Variants in SCML4 observed in about 807,000 individuals in gnomAD.
SCML4 encodes sex comb on midleg-like protein 4.
SCML4 carries 34 observed loss-of-function variants against 41.1 expected under a neutral mutation model. That is an observed-to-expected ratio of 0.83 (90% CI 0.63 to 1.10). The LOEUF (loss-of-function observed/expected upper bound fraction) is 1.10, where lower values mean the gene tolerates loss of function less well. SCML4 is among the 50% of genes least tolerant of loss of function. SCML4 has a pLI of 0.00. For synonymous variants in SCML4, 214 were observed against 220.9 expected (o/e 0.97, Z 0.28); for missense variants, 522 against 534.1 (o/e 0.98, Z 0.22).
intron 5 of SCML4, among the ~76,000 whole-genome samples, chr6:107,730,660 A>T (rs1776446080): frequency 6.6e-6 from 1 of 152,222 alleles, no homozygotes. Context: ...TGGCCCCATC[A>T]AAGAAATCTG....
At chr6:107,716,255 A>G (rs1774778357) in intron 6 of SCML4, among the ~76,000 whole-genome samples, 1 of 152,140 alleles carries the variant, frequency 6.6e-6, no homozygotes, top group Non-Finnish European at 1.5e-5. Context: ...CTCTTGTTCC[A>G]TCTTCTCCAT....
intron 1 of SCML4, among the ~76,000 whole-genome samples, chr6:107,807,061 CTT>C (rs201486996): frequency 0.89 from 119,017 of 133,576 alleles, 53,466 homozygotes; most frequent in South Asian, 0.98. Flanking sequence ...TGTTCCTAAG[CTT>C]TTTTTTTTTT....
At chr6:107,714,785 GTTC>G (rs1238536431) in intron 6 of SCML4, among the ~76,000 whole-genome samples, 4 of 152,102 alleles carry the variant, frequency 2.6e-5, no homozygotes, top group East Asian at 1.9e-4. Context: ...GGTAGTTGCT[GTTC>G]TTCTTATTAT....
intron 6 of SCML4, among the ~76,000 whole-genome samples, chr6:107,708,537 C>T (rs532137101): frequency 6.4e-4 from 98 of 152,198 alleles, no homozygotes; most frequent in African/African-American, 2.2e-3. Context: ...TTCTTCTCCA[C>T]GGTATCTGCA....
intron 7 of SCML4, 105 bp from the exon 8 acceptor site, chr6:107,705,430 G>T: frequency 9.8e-7 from 1 of 1,023,666 alleles, no homozygotes; most frequent in Non-Finnish European, 1.4e-6. Flanking sequence ...AGGGCATATG[G>T]ATTGATTTAG....
At chr6:107,794,144 G>A (rs892844047) in intron 1 of SCML4, among the ~76,000 whole-genome samples, 3 of 152,200 alleles carry the variant, frequency 2.0e-5, no homozygotes, top group Non-Finnish European at 4.4e-5. Context: ...CAATTAAGAT[G>A]AAACCAAAAG....
At chr6:107,738,180 C>T (rs1194884574) in intron 5 of SCML4, among the ~76,000 whole-genome samples, 1 of 152,206 alleles carries the variant, frequency 6.6e-6, no homozygotes. Context: ...TCTCCTAAAA[C>T]ACCCAGGGAG....
intron 1 of SCML4, among the ~76,000 whole-genome samples, chr6:107,806,613 C>T (rs567432065): frequency 2.0e-5 from 3 of 152,312 alleles, no homozygotes; most frequent in South Asian, 4.1e-4. Context: ...CCTCCAAAGC[C>T]GGCACTGGAC....
At position 107,772,270 on chromosome 6, in the gene SCML4, G is replaced by A. The variant is rs1158439436; in HGVS notation, c.58C>T (p.Pro20Ser). ...KRGRPSLHST[P>S]MKMAVHNLYS... is the part of the protein sequence containing the mutation. The stretch of plus-strand genomic sequence containing the variant: ...AGGTTATGAACTGCCATCTTCATAG[G>A]CGTGGAGTGAAGTGAGGGTCGGCCT... The change falls in exon 2 of 8, where the codon CCT (proline) becomes TCT (serine). Residue 20 changes from proline to serine, a missense_variant. Physicochemically the swap from Pro to Ser is moderately conservative, Grantham distance 74 (BLOSUM62 -1). Transcript: ENST00000369020. 2 of 1,551,728 alleles carry A rather than the reference G, an allele frequency of 1.3e-6. No homozygotes were observed. Among genetic ancestry groups the A allele is most frequent in the Non-Finnish European group, 1.7e-6 (2 of 1,146,970 alleles).
chr6:107,784,604 G>T (rs994110772), intron 1 of SCML4, among the ~76,000 whole-genome samples: 7 of 152,226 alleles, frequency 4.6e-5, no homozygotes, highest in African/African-American at 1.7e-4. Context: ...GAGAGGAACG[G>T]TTTTTTTCTC....
At chr6:107,820,075 C>A (rs1784836034) in intron 1 of SCML4, among the ~76,000 whole-genome samples, 2 of 152,228 alleles carry the variant, frequency 1.3e-5, no homozygotes, top group African/African-American at 4.8e-5. Flanking sequence ...TTGCAGCTTG[C>A]TGCTGGTCTC....
chr6:107,823,796 C>A (rs1423433049), intron 1 of SCML4, among the ~76,000 whole-genome samples: 1 of 152,028 alleles, frequency 6.6e-6, no homozygotes, highest in Non-Finnish European at 1.5e-5. Context: ...TACTTGAGTT[C>A]ACATTTGGAA....
intron 5 of SCML4, among the ~76,000 whole-genome samples, chr6:107,726,174 T>C (rs901798264): frequency 1.3e-5 from 2 of 151,568 alleles, no homozygotes; most frequent in South Asian, 4.2e-4. Flanking sequence ...CAGGGACTTG[T>C]ATATCTTGTA....
At chr6:107,836,968 C>G in the SCML4 span, among the ~76,000 whole-genome samples, 1 of 152,232 alleles carries the variant, frequency 6.6e-6, no homozygotes, top group Non-Finnish European at 1.5e-5. Context: ...TAGAGTACTA[C>G]ATTTCTCAAA....
intron 5 of SCML4, among the ~76,000 whole-genome samples, chr6:107,741,031 G>A (rs12208434): frequency 6.3e-4 from 96 of 152,282 alleles, no homozygotes; most frequent in Non-Finnish European, 1.2e-3. Context: ...CTGGCCTGAA[G>A]CAAGCCTGAG....
intron 2 of SCML4, among the ~76,000 whole-genome samples, chr6:107,757,431 GGA>G (rs1459452502): frequency 2.0e-5 from 3 of 152,206 alleles, no homozygotes. Flanking sequence ...ATCTGAGGAT[GGA>G]GAGTGTGGCT....
At chr6:107,815,831 T>C (rs1037838192) in intron 1 of SCML4, among the ~76,000 whole-genome samples, 1 of 152,236 alleles carries the variant, frequency 6.6e-6, no homozygotes, top group Non-Finnish European at 1.5e-5. Flanking sequence ...TGCTTGAATA[T>C]ATTTGCAATA....
chr6:107,785,761 G>A (rs929871580), intron 1 of SCML4, among the ~76,000 whole-genome samples: 1 of 152,216 alleles, frequency 6.6e-6, no homozygotes, highest in African/African-American at 2.4e-5. Context: ...TATGGCAGGA[G>A]GACAGTTCTG....
intron 1 of SCML4, among the ~76,000 whole-genome samples, chr6:107,788,111 G>C (rs1782038539): frequency 6.6e-6 from 1 of 152,236 alleles, no homozygotes; most frequent in South Asian, 2.1e-4. Flanking sequence ...AAAGGCAAGA[G>C]CAAGTGCACA....
Sources: allele counts gnomAD v4.1 joint callset (sites outside exome capture counted in the v4.1 genomes callset), GRCh38; gene constraint gnomAD v4.1.1; transcripts MANE v1.5; gene names NCBI Gene and HGNC (gene_info 2026-07-23, HGNC 2026-07-21).